Variants in SLC39A11 observed in about 807,000 individuals in gnomAD.
SLC39A11 encodes solute carrier family 39 member 11.
SLC39A11 carries 33 observed loss-of-function variants against 36.1 expected under a neutral mutation model. That is an observed-to-expected ratio of 0.91 (90% CI 0.69 to 1.22). The LOEUF is 1.22. Ranked by LOEUF, SLC39A11 falls within the 50% of genes most tolerant of loss-of-function variation. The pLI is 0.00. For missense variants in SLC39A11, 432 were observed against 430.3 expected (o/e 1.00, Z -0.03); for synonymous variants, 166 against 170.3 (o/e 0.97, Z 0.20).
intron 7 of SLC39A11, among the ~76,000 whole-genome samples, chr17:72,655,635 T>C (rs1333675842): frequency 1.3e-5 from 2 of 152,072 alleles, no homozygotes; most frequent in Admixed American, 6.5e-5. Context: ...CCCAACACAG[T>C]CTGGGAGCCG....
At chr17:72,800,177 A>T (rs1056477448) in intron 6 of SLC39A11, among the ~76,000 whole-genome samples, 3 of 152,104 alleles carry the variant, frequency 2.0e-5, no homozygotes, top group Non-Finnish European at 4.4e-5. Flanking sequence ...GAGGACCTCC[A>T]TCCCTGAGGC....
intron 1 of SLC39A11, chr17:73,091,954 G>C (rs2060938455): frequency 6.6e-6 from 1 of 152,266 alleles, no homozygotes; most frequent in Non-Finnish European, 1.5e-5. Flanking sequence ...AGTTGCAGAA[G>C]TGGAAACAGC....
chr17:72,647,762 C>CA (rs1346523199), intron 9 of SLC39A11, 100 bp from the exon 10 acceptor site: 1 of 865,164 alleles, frequency 1.2e-6, no homozygotes, highest in African/African-American at 1.7e-5. Flanking sequence ...CAAGAGAAAG[C>CA]ACACTACCAT....
intron 6 of SLC39A11, among the ~76,000 whole-genome samples, chr17:72,786,182 G>A (rs373970396): frequency 2.4e-4 from 36 of 152,228 alleles, no homozygotes; most frequent in African/African-American, 8.4e-4. Flanking sequence ...TGGGCACCCA[G>A]CTGGAATCTG....
intron 7 of SLC39A11, among the ~76,000 whole-genome samples, chr17:72,678,142 A>G (rs1477949130): frequency 6.6e-6 from 1 of 152,222 alleles, no homozygotes; most frequent in Non-Finnish European, 1.5e-5. Context: ...AGCTTCCCAT[A>G]AAGGGCTGCC....
chr17:72,860,823 T>G (rs2079938968), intron 5 of SLC39A11, among the ~76,000 whole-genome samples: 1 of 152,164 alleles, frequency 6.6e-6, no homozygotes, highest in African/African-American at 2.4e-5. Context: ...CCCATACATG[T>G]TCATGCATCA....
At chr17:72,669,062 C>G (rs1407910022) in intron 7 of SLC39A11, among the ~76,000 whole-genome samples, 1 of 152,168 alleles carries the variant, frequency 6.6e-6, no homozygotes, top group Non-Finnish European at 1.5e-5. Flanking sequence ...AAAACCTGAA[C>G]AGGGTCAGTA....
At chr17:72,668,640 T>C (rs2070861265) in intron 7 of SLC39A11, among the ~76,000 whole-genome samples, 1 of 152,122 alleles carries the variant, frequency 6.6e-6, no homozygotes, top group Non-Finnish European at 1.5e-5. Flanking sequence ...TGAATGGGCA[T>C]GAAGGAAGGA....
intron 4 of SLC39A11, among the ~76,000 whole-genome samples, chr17:72,981,943 C>T (rs2088350833): frequency 6.6e-6 from 1 of 152,138 alleles, no homozygotes. Context: ...GCTAAGCTGA[C>T]TAATAAGACA....
intron 7 of SLC39A11, among the ~76,000 whole-genome samples, chr17:72,723,043 G>A (rs990660528): frequency 5.9e-5 from 9 of 152,144 alleles, no homozygotes; most frequent in South Asian, 2.1e-4. Flanking sequence ...AAGGGTGGCC[G>A]TCGTTTGTCA....
intron 7 of SLC39A11, among the ~76,000 whole-genome samples, chr17:72,727,669 A>AG (rs1214324620): frequency 6.7e-6 from 1 of 149,358 alleles, no homozygotes; most frequent in African/African-American, 2.4e-5. Flanking sequence ...AAAAAAAAAA[A>AG]AAAGAAAGAA....
intron 6 of SLC39A11, among the ~76,000 whole-genome samples, chr17:72,782,687 CAAAAA>C (rs72447211): frequency 1.4e-3 from 90 of 62,460 alleles, no homozygotes; most frequent in African/African-American, 5.0e-3. Context: ...GACCCCATCT[CAAAAA>C]AAAAAAAAAA....
intron 4 of SLC39A11, among the ~76,000 whole-genome samples, chr17:73,007,181 C>T (rs146751726): frequency 0.02 from 3,074 of 152,124 alleles, 45 homozygotes; most frequent in Middle Eastern, 0.11. Flanking sequence ...CCAGCACTTT[C>T]GGAGGCCGAG....
intron 5 of SLC39A11, among the ~76,000 whole-genome samples, chr17:72,924,674 AT>A (rs1359639858): frequency 1.3e-5 from 2 of 152,132 alleles, no homozygotes; most frequent in Non-Finnish European, 2.9e-5. Flanking sequence ...GAACAGGATG[AT>A]CAAAAAGGAA....
At chr17:72,745,596 C>T (rs1259091090) in intron 6 of SLC39A11, among the ~76,000 whole-genome samples, 2 of 152,112 alleles carry the variant, frequency 1.3e-5, no homozygotes, top group African/African-American at 4.8e-5. Flanking sequence ...GTTGTGAAGC[C>T]ACTATTCTCC....
chr17:72,800,040 C>A (rs1555676261), intron 6 of SLC39A11, among the ~76,000 whole-genome samples: 1 of 152,046 alleles, frequency 6.6e-6, no homozygotes, highest in Non-Finnish European at 1.5e-5. Context: ...TACTGTCTCT[C>A]TTTGTTTCTC....
At chr17:73,081,525 G>A (rs1448342516) in intron 3 of SLC39A11, among the ~76,000 whole-genome samples, 3 of 151,328 alleles carry the variant, frequency 2.0e-5, no homozygotes, top group Non-Finnish European at 4.4e-5. Context: ...TTGCACACAC[G>A]TGTTTATAGC....
At chr17:73,023,282 T>G (rs747874820) in intron 4 of SLC39A11, among the ~76,000 whole-genome samples, 1 of 151,722 alleles carries the variant, frequency 6.6e-6, no homozygotes, top group African/African-American at 2.4e-5. Flanking sequence ...AATCCATGTA[T>G]CAAAGCTCTA....
At chr17:73,066,581 C>T (rs779431616) in intron 3 of SLC39A11, among the ~76,000 whole-genome samples, 1 of 152,196 alleles carries the variant, frequency 6.6e-6, no homozygotes, top group Non-Finnish European at 1.5e-5. Flanking sequence ...GAGAACAGGA[C>T]ACATGGCCCA....
Sources: allele counts gnomAD v4.1 joint callset (sites outside exome capture counted in the v4.1 genomes callset), GRCh38; gene constraint gnomAD v4.1.1; transcripts MANE v1.5; gene names NCBI Gene and HGNC (gene_info 2026-07-23, HGNC 2026-07-21).